The following CDH19 variants were observed in gnomAD, a reference collection of about 807,000 sequenced individuals.
CDH19 encodes the protein cadherin-19.
Under a neutral mutation model 64.2 loss-of-function variants are expected in CDH19, and 67 were observed. The observed-to-expected ratio is 1.04, with a 90% CI of 0.86 to 1.28. The LOEUF is 1.28. CDH19 is among the 50% of genes most tolerant of loss of function. The pLI is 0.00. For synonymous variants in CDH19, 346 were observed against 319.3 expected, an observed-to-expected ratio of 1.08 and a Z score of -0.89; for missense variants, 1,030 against 929.0, an observed-to-expected ratio of 1.11 and a Z score of -1.41.
At chr18:66,524,158 A>G (rs1173919991) in intron 9 of CDH19, among the ~76,000 whole-genome samples, 1 of 152,070 alleles carries the variant, frequency 6.6e-6, no homozygotes, top group Non-Finnish European at 1.5e-5. Context: ...TCCTTTTGTG[A>G]TGTAGATAGC....
intron 1 of CDH19, among the ~76,000 whole-genome samples, chr18:66,588,541 C>T (rs1369891424): frequency 6.7e-6 from 1 of 150,198 alleles, no homozygotes; most frequent in Non-Finnish European, 1.5e-5. Context: ...ATCACCACAA[C>T]TGCCAGTCAC....
At position 66,505,052 on chromosome 18, in the gene CDH19, G is replaced by A. The variant is rs1985117898; in HGVS notation, c.2079C>T (p.Ala693=). ...RQSLQVGPDS[A]IFRKFILEKL... ...TTTCCAGAATGAATTTCCTGAATAT[G>A]GCACTGTCGGGGCCAACTTGCAAAG... Residue 693 remains alanine (A), a synonymous_variant, in exon 12 of 12, where the codon GCC becomes GCT. Transcript: ENST00000262150. 2 of 1,613,664 alleles carry A rather than the reference G, an allele frequency of 1.2e-6. No individual in the cohort carries two copies. The highest frequency in any genetic ancestry group is 4.5e-5 in the East Asian group (2 of 44,834).
intron 1 of CDH19, among the ~76,000 whole-genome samples, chr18:66,586,419 T>TG (rs1734970765): frequency 1.3e-5 from 2 of 152,044 alleles, no homozygotes; most frequent in South Asian, 2.1e-4. Flanking sequence ...GCAAATACTA[T>TG]AAAGCCTTCG....
Position 66,535,043 on chromosome 18 carries a change from A to G in CDH19, c.1279T>C (p.Ser427Pro). The change falls in exon 8 of 12, where the codon TCA (serine) becomes CCA (proline). Residue 427 changes from serine (S) to proline (P), a missense_variant. Coordinates refer to ENST00000262150, the MANE Select transcript of CDH19 (RefSeq NM_021153.4). ...CAAGCACTGATTTCACGATCCAGTG[A>G]GTTACTTGTAGTGATTGTACCATTA... ...NDNGTITTSNSLDREISAWYN... is the reference protein window; with the variant it reads ...NDNGTITTSNPLDREISAWYN... 2 of 1,519,788 alleles carry G rather than the reference A, an allele frequency of 1.3e-6. No individual in the cohort carries two copies. The highest frequency in any genetic ancestry group is 1.8e-6 in the Non-Finnish European group (2 of 1,117,314). The allele number at this position is 1,519,788 out of a possible 1,614,324, so 94.1% of individuals were successfully genotyped here.
At chr18:66,568,762 A>G in intron 2 of CDH19, 52 bp from the exon 3 acceptor site, 1 of 1,394,966 alleles carries the variant, frequency 7.2e-7, no homozygotes, top group Non-Finnish European at 9.6e-7. Flanking sequence ...AAATGGACAA[A>G]TCAAAATCAA....
intron 1 of CDH19, among the ~76,000 whole-genome samples, chr18:66,588,971 C>T (rs1201443703): frequency 1.3e-5 from 2 of 151,124 alleles, no homozygotes; most frequent in African/African-American, 2.4e-5. Flanking sequence ...AATAACAACA[C>T]AAGAAAAAAT....
intron 3 of CDH19, among the ~76,000 whole-genome samples, chr18:66,555,553 A>C (rs1247429740): frequency 6.6e-6 from 1 of 151,794 alleles, no homozygotes; most frequent in Non-Finnish European, 1.5e-5. Flanking sequence ...AGCATATTCT[A>C]TTGAAGTAGA....
intron 3 of CDH19, among the ~76,000 whole-genome samples, chr18:66,556,457 T>C (rs1272025167): frequency 6.6e-6 from 1 of 151,786 alleles, no homozygotes; most frequent in Non-Finnish European, 1.5e-5. Context: ...ACACATTATT[T>C]TATTCTCTAT....
chr18:66,538,859 C>A (rs1432575103), intron 7 of CDH19, among the ~76,000 whole-genome samples: 1 of 151,954 alleles, frequency 6.6e-6, no homozygotes, highest in African/African-American at 2.4e-5. Context: ...CATGGCAGTC[C>A]TCTCCCAGTG....
At chr18:66,517,379 C>T (rs919121229) in intron 9 of CDH19, among the ~76,000 whole-genome samples, 1 of 152,024 alleles carries the variant, frequency 6.6e-6, no homozygotes, top group Admixed American at 6.6e-5. Flanking sequence ...CATTTAATAT[C>T]AGTCAAAATA....
intron 5 of CDH19, among the ~76,000 whole-genome samples, chr18:66,549,117 A>G (rs1360972383): frequency 6.6e-6 from 1 of 152,164 alleles, no homozygotes; most frequent in Admixed American, 6.5e-5. Context: ...ACACTCGTAT[A>G]TGAGTGAAAG....
chr18:66,530,794 G>C (rs1413139060), intron 8 of CDH19, among the ~76,000 whole-genome samples: 1 of 152,086 alleles, frequency 6.6e-6, no homozygotes, highest in African/African-American at 2.4e-5. Flanking sequence ...ATTCTCCTGT[G>C]CATTGTAGGA....
intron 6 of CDH19, 76 bp from the exon 7 acceptor site, chr18:66,544,300 T>A (rs1598999468): frequency 7.1e-7 from 1 of 1,402,102 alleles, no homozygotes. Flanking sequence ...AGGTTTTACC[T>A]GTTAAATTAA....
intron 1 of CDH19, among the ~76,000 whole-genome samples, chr18:66,583,352 T>C (rs1988481096): frequency 6.6e-6 from 1 of 152,050 alleles, no homozygotes; most frequent in South Asian, 2.1e-4. Context: ...TTAACTTTTA[T>C]TTTGTGTTTG....
Position 66,595,398 on chromosome 18 carries a change from C to A in CDH19, c.-113+8556G>T, listed in dbSNP as rs1988857552. Reference sequence around the variant, plus strand: ...TAACATCAACAAAACCAAAGTTGTTCTTTGAAAGAATAAATAAGATTAGTA... The same window carrying A: ...TAACATCAACAAAACCAAAGTTGTTATTTGAAAGAATAAATAAGATTAGTA... On this transcript the variant is annotated intron_variant, in intron 1 of 11. Transcript: ENST00000262150. 2.7e-5 allele frequency among the ~76,000 whole-genome samples: 4 copies of A among 147,594 alleles called. No homozygotes were observed. The Admixed American group carries it at 2.7e-4, about 10-fold the overall frequency.
At chr18:66,589,320 C>T (rs1035201427) in intron 1 of CDH19, among the ~76,000 whole-genome samples, 3 of 151,080 alleles carry the variant, frequency 2.0e-5, no homozygotes, top group Non-Finnish European at 4.4e-5. Flanking sequence ...TATTTTTCTT[C>T]GAACCAACAG....
chr18:66,530,196 T>C (rs1435925268), intron 8 of CDH19, among the ~76,000 whole-genome samples: 1 of 152,016 alleles, frequency 6.6e-6, no homozygotes, highest in Non-Finnish European at 1.5e-5. Flanking sequence ...GTGCATTGTA[T>C]TTGCCATGGG....
chr18:66,528,420 A>G (rs946690187), intron 9 of CDH19, among the ~76,000 whole-genome samples: 14 of 152,140 alleles, frequency 9.2e-5, no homozygotes, highest in Admixed American at 3.3e-4. Context: ...GGAAAGTGCA[A>G]CACAATAGAG....
At chr18:66,574,044 A>G (rs575942370) in intron 1 of CDH19, among the ~76,000 whole-genome samples, 1 of 151,866 alleles carries the variant, frequency 6.6e-6, no homozygotes, top group South Asian at 2.1e-4. Context: ...TTATCTTTGA[A>G]TTAAGATTTA....
Sources: gnomAD v4.1 joint callset for allele counts (sites outside exome capture counted in the v4.1 genomes callset) on GRCh38, gnomAD v4.1.1 for gene constraint, MANE v1.5 for transcripts, NCBI Gene and HGNC (gene_info 2026-07-23, HGNC 2026-07-21) for gene names.